ZFAND3: variants seen among roughly 807,000 people sequenced by gnomAD.
The protein encoded by ZFAND3 is zinc finger AN1-type containing 3.
ZFAND3 carries 10 observed loss-of-function variants against 29.6 expected under a neutral mutation model. That is an observed-to-expected ratio of 0.34 (90% CI 0.21 to 0.57). ZFAND3 has a LOEUF of 0.57. Among genes scored for constraint, ZFAND3 ranks in the 20% least tolerant of loss-of-function variants. ZFAND3 has a pLI of 0.86. For missense variants in ZFAND3, 230 were observed against 304.5 expected, an observed-to-expected ratio of 0.76 and a Z score of 1.82; for synonymous variants, 128 against 112.6, an observed-to-expected ratio of 1.14 and a Z score of -0.87.
chr6:37,822,910 G>T (rs1361642009), intron 1 of ZFAND3, among the ~76,000 whole-genome samples: 9 of 152,110 alleles, frequency 5.9e-5, no homozygotes, highest in Non-Finnish European at 1.3e-4. Context: ...AGATTGTGAA[G>T]GGTGATCACA....
intron 1 of ZFAND3, among the ~76,000 whole-genome samples, chr6:37,889,202 C>T (rs577887196): frequency 8.6e-5 from 13 of 151,980 alleles, no homozygotes; most frequent in East Asian, 1.9e-4. Context: ...TAGAGGAAGA[C>T]GGAGGAAAAA....
chr6:37,934,863 A>G (rs1761669623), intron 2 of ZFAND3, among the ~76,000 whole-genome samples: 1 of 125,534 alleles, frequency 8.0e-6, no homozygotes, highest in African/African-American at 2.8e-5. Flanking sequence ...AAAAAAAAAA[A>G]AGCAAAAGTT....
chr6:37,994,597 G>T lies in ZFAND3; in HGVS notation c.112+64598G>T, dbSNP rs146258391. ...GGGTAGCTCTTTACTTCTTCAGGCTGTCTATATTTATCAAATACAGTGTAG... is the reference window on the plus strand; with the variant it reads ...GGGTAGCTCTTTACTTCTTCAGGCTTTCTATATTTATCAAATACAGTGTAG... On this transcript the variant is annotated intron_variant, in intron 2 of 5. Transcript: ENST00000287218. Among the ~76,000 whole-genome samples, 137 of 152,222 alleles carry T rather than the reference G, an allele frequency of 9.0e-4. 3 individuals carry two copies. In the East Asian group the frequency reaches 0.024, roughly 27 times the overall value.
chr6:37,893,099 A>G (rs942503185), intron 1 of ZFAND3, among the ~76,000 whole-genome samples: 3 of 152,252 alleles, frequency 2.0e-5, no homozygotes, highest in African/African-American at 7.2e-5. Context: ...TTCCCAACTC[A>G]TGAGGCCATT....
Position 38,153,656 on chromosome 6 carries a change from C to A in ZFAND3, c.*1267C>A. On this transcript the variant is annotated 3_prime_UTR_variant, in exon 6 of 6. Transcript: ENST00000287218. ...CAGAGGATTTCAGCAGCTGCAACTG[C>A]GCACGCCAGGTGGGGAAGGGTGGGG... is the stretch of plus-strand genomic sequence containing the variant. 1.2e-5 allele frequency: 12 copies of A among 985,276 alleles called. No homozygotes were observed. Among genetic ancestry groups the A allele is most frequent in the Non-Finnish European group, 1.4e-5 (12 of 829,906 alleles). 61.0% of individuals were successfully genotyped at this position (985,276 alleles called of 1,614,324 possible).
chr6:37,990,357 G>A (rs1456604366), intron 2 of ZFAND3, among the ~76,000 whole-genome samples: 1 of 152,108 alleles, frequency 6.6e-6, no homozygotes, highest in Non-Finnish European at 1.5e-5. Flanking sequence ...CTCCCCTCAA[G>A]CCACAGTTTG....
intron 2 of ZFAND3, among the ~76,000 whole-genome samples, chr6:37,973,668 T>G (rs973823231): frequency 1.3e-5 from 2 of 152,260 alleles, no homozygotes; most frequent in African/African-American, 4.8e-5. Context: ...CACTGAGTAC[T>G]TAAGCTAAGC....
intron 1 of ZFAND3, among the ~76,000 whole-genome samples, chr6:37,905,548 G>A (rs1458812212): frequency 6.6e-6 from 1 of 152,076 alleles, no homozygotes; most frequent in East Asian, 1.9e-4. Flanking sequence ...GATCTTTTAG[G>A]ACTAGTGCTG....
intron 2 of ZFAND3, among the ~76,000 whole-genome samples, chr6:38,029,033 C>T (rs1426724392): frequency 6.6e-6 from 1 of 152,170 alleles, no homozygotes; most frequent in Non-Finnish European, 1.5e-5. Context: ...ACATAATAAC[C>T]GGTGGAAGAA....
chr6:37,877,692 G>A (rs1158960827), intron 1 of ZFAND3, among the ~76,000 whole-genome samples: 6 of 152,194 alleles, frequency 3.9e-5, no homozygotes, highest in Non-Finnish European at 7.3e-5. Context: ...TTGTGGCAGG[G>A]CTGGGATTCA....
chr6:38,118,701 AC>A (rs1765467454), intron 5 of ZFAND3, among the ~76,000 whole-genome samples: 1 of 148,344 alleles, frequency 6.7e-6, no homozygotes, highest in South Asian at 2.2e-4. Context: ...CTCCTAGTTT[AC>A]CCTTCAGCTT....
chr6:37,886,237 CAAAAAAAAAAAA>C (rs55661554), intron 1 of ZFAND3, among the ~76,000 whole-genome samples: 5 of 95,300 alleles, frequency 5.2e-5, no homozygotes, highest in Admixed American at 1.4e-4. Flanking sequence ...GACTCTGTCT[CAAAAAAAAAAAA>C]AAAAAAAAAA....
At chr6:37,935,324 AC>A (rs1278305428) in intron 2 of ZFAND3, among the ~76,000 whole-genome samples, 1 of 151,990 alleles carries the variant, frequency 6.6e-6, no homozygotes, top group Non-Finnish European at 1.5e-5. Flanking sequence ...GGCTTTTCTT[AC>A]CCCCTTGATA....
At chr6:37,907,911 C>T (rs1461672190) in intron 1 of ZFAND3, among the ~76,000 whole-genome samples, 1 of 152,100 alleles carries the variant, frequency 6.6e-6, no homozygotes, top group African/African-American at 2.4e-5. Context: ...CATGAATTTC[C>T]TAAGAATGAG....
chr6:37,995,077 C>A (rs1342930255), intron 2 of ZFAND3, among the ~76,000 whole-genome samples: 1 of 152,142 alleles, frequency 6.6e-6, no homozygotes, highest in African/African-American at 2.4e-5. Flanking sequence ...GGGATAAAAG[C>A]AGAAAGGTGG....
rs551516568 is a variant in ZFAND3 at position 37,993,027 on chromosome 6, G to A, written c.112+63028G>A. On this transcript the variant is annotated intron_variant, in intron 2 of 5. Coordinates refer to ENST00000287218, the MANE Select transcript of ZFAND3 (RefSeq NM_021943.3). ...ATAACATCAGATTGTGCTTCTCTTG[G>A]TATTGCCATGTTTGATCATGTACTT... 5.9e-5 allele frequency among the ~76,000 whole-genome samples: 9 copies of A among 152,042 alleles called. No homozygotes were observed. In the South Asian group the frequency reaches 1.9e-3, roughly 32 times the overall value.
At chr6:37,951,944 G>A (rs751108539) in intron 2 of ZFAND3, among the ~76,000 whole-genome samples, 2 of 152,168 alleles carry the variant, frequency 1.3e-5, no homozygotes, top group African/African-American at 2.4e-5. Flanking sequence ...CTGTTAAGAT[G>A]CATTTATTGA....
At chr6:37,835,464 GTTTT>G (rs373349669) in intron 1 of ZFAND3, among the ~76,000 whole-genome samples, 6 of 137,136 alleles carry the variant, frequency 4.4e-5, no homozygotes, top group African/African-American at 1.6e-4. Context: ...GCCTGTAAGA[GTTTT>G]TTTTTTTTTT....
chr6:37,875,869 C>A (rs1764784456), intron 1 of ZFAND3, among the ~76,000 whole-genome samples: 1 of 150,730 alleles, frequency 6.6e-6, no homozygotes, highest in Non-Finnish European at 1.5e-5. Context: ...TGAAATCTTA[C>A]TATGTTGCCC....
Sources: gnomAD v4.1 joint callset for allele counts (sites outside exome capture counted in the v4.1 genomes callset) on GRCh38, gnomAD v4.1.1 for gene constraint, MANE v1.5 for transcripts, NCBI Gene and HGNC (gene_info 2026-07-23, HGNC 2026-07-21) for gene names.